The following CNGA4 variants were observed in gnomAD, a reference collection of about 807,000 sequenced individuals.
CNGA4 encodes cyclic nucleotide gated channel subunit alpha 4, also known as cyclic nucleotide-gated channel alpha-4.
CNGA4 carries 32 observed loss-of-function variants against 45.6 expected under a neutral mutation model. The ratio of observed to expected loss-of-function variants is 0.70; its 90% CI spans 0.53 to 0.94. CNGA4 has a LOEUF of 0.94. Among genes scored for constraint, CNGA4 ranks in the 40% least tolerant of loss-of-function variants. CNGA4 has a pLI of 0.00. For synonymous variants in CNGA4, 293 were observed against 304.6 expected (o/e 0.96, Z 0.40); for missense variants, 726 against 755.1 (o/e 0.96, Z 0.45).
chr11:6,242,125 C>G lies in CNGA4; in HGVS notation c.1267+345C>G, dbSNP rs1243106839. 1.2e-5 allele frequency: 5 copies of G among 427,888 alleles called. No individual in the cohort carries two copies. The East Asian group carries it at 1.7e-4, about 15-fold the overall frequency. The allele number at this position is 427,888 out of a possible 1,614,324, so 26.5% of individuals were successfully genotyped here. A position where few individuals can be genotyped will look rare whatever the true frequency, so the allele number is the denominator to read the frequency against. Reference sequence around the variant, plus strand: ...TTACCTGCTTACTGCATCCCCTTTTCTAAGTGCTTCACATGATATTAACTC... The same window carrying G: ...TTACCTGCTTACTGCATCCCCTTTTGTAAGTGCTTCACATGATATTAACTC... On this transcript the variant is annotated intron_variant, in intron 5 of 5. Transcript: ENST00000379936.
Position 6,242,177 on chromosome 11 carries a change from G to C in CNGA4, c.1267+397G>C, listed in dbSNP as rs775143375. On this transcript the variant is annotated intron_variant, in intron 5 of 5. Coordinates refer to ENST00000379936, the MANE Select transcript of CNGA4 (RefSeq NM_001037329.4). ...TTACATTCCCGCAGCAGTTCTATAAGATAAGTACTATTCTTATCCCAATTT... is the reference window on the plus strand; with the variant it reads ...TTACATTCCCGCAGCAGTTCTATAACATAAGTACTATTCTTATCCCAATTT... 4.5e-4 allele frequency among the ~76,000 whole-genome samples: 68 copies of C among 152,184 alleles called. 1 individual carries two copies. The highest frequency in any genetic ancestry group is 8.4e-4 in the Non-Finnish European group (57 of 68,000).
At chr11:6,237,384 C>T (rs904735306), upstream of CNGA4, among the ~76,000 whole-genome samples, 5 of 151,946 alleles carry the variant, frequency 3.3e-5, no homozygotes, top group Admixed American at 6.6e-5. Context: ...AAGGTGACCG[C>T]GGGATACCCA....
chr11:6,239,685 G>A lies in CNGA4; in HGVS notation c.166G>A (p.Ala56Thr), dbSNP rs1357556598. The change falls in exon 3 of 6, where the codon GCC (alanine) becomes ACC (threonine). Residue 56 changes from alanine (A) to threonine (T), a missense_variant and splice_region_variant. Transcript: ENST00000379936. ...MYNLIILVCR[A>T]CFPDLQHGYL... ...ATCATGCTTAACCCTGCCCTGCAGA[G>A]CCTGCTTCCCCGACTTGCAGCACGG... is the stretch of plus-strand genomic sequence containing the variant. 1 of 1,613,990 alleles carries A rather than the reference G, an allele frequency of 6.2e-7. No individual in the cohort carries two copies. Among genetic ancestry groups the A allele is most frequent in the African/African-American group, 1.3e-5 (1 of 75,042 alleles).
rs772848420 is a variant in CNGA4, at chr11:6,239,368, ACTTT to A, written c.63-8_63-5del. 8 of 1,613,610 alleles carry A rather than the reference ACTTT, an allele frequency of 5.0e-6. No individual in the cohort carries two copies. The highest frequency in any genetic ancestry group is 2.2e-5 in the South Asian group (2 of 91,074). On this transcript the variant is annotated splice_polypyrimidine_tract_variant and intron_variant, in intron 1 of 5. Transcript: ENST00000379936. ...ATGCCTGGTGAATAAATGAAGCAAG[ACTTT>A]CTTTCTTACAGGAAGTTGCTGCCTG...
upstream of CNGA4, among the ~76,000 whole-genome samples, chr11:6,235,096 G>A (rs1847810329): frequency 6.6e-6 from 1 of 152,206 alleles, no homozygotes; most frequent in African/African-American, 2.4e-5. Flanking sequence ...TGGATTCCAG[G>A]AGACGCTTGG....
At position 6,241,753 on chromosome 11, in the gene CNGA4, G is replaced by C. The variant is rs1847923434; in HGVS notation, c.1240G>C (p.Gly414Arg). 6.2e-7 allele frequency: 1 copy of C among 1,614,032 alleles called. No individual in the cohort carries two copies. The highest frequency in any genetic ancestry group is 1.7e-5 in the Admixed American group (1 of 59,994). Residue 414 changes from glycine to arginine, a missense_variant, in exon 5 of 6, where the codon GGG becomes CGG. By Grantham distance (125) the Gly-to-Arg change is moderately radical (BLOSUM62 -2). Coordinates refer to ENST00000379936, the MANE Select transcript of CNGA4 (RefSeq NM_001037329.4). ...YAVLGAGLYFGEISIINIKGN... is the reference protein window; with the variant it reads ...YAVLGAGLYFREISIINIKGN... ...TGTGCTCGGTGCAGGGCTCTACTTT[G>C]GGGAGATCAGCATCATCAACATCAA...
At chr11:6,243,830 G>C (rs1847950170) in intron 5 of CNGA4, 119 bp from the exon 6 acceptor site, 3 of 864,612 alleles carry the variant, frequency 3.5e-6, no homozygotes, top group Non-Finnish European at 5.3e-6. Context: ...AAGAATTAAT[G>C]AGGCAGAAGG....
At chr11:6,235,938 C>CA (rs112508509), upstream of CNGA4, among the ~76,000 whole-genome samples, 5,170 of 105,368 alleles carry the variant, frequency 0.049, 110 homozygotes, top group African/African-American at 0.091. Flanking sequence ...GACTCCGTCT[C>CA]AAAAAAAAAA....
At chr11:6,244,818 A>G (rs888342269), downstream of CNGA4, among the ~76,000 whole-genome samples, 1 of 152,216 alleles carries the variant, frequency 6.6e-6, no homozygotes, top group African/African-American at 2.4e-5. The surrounding 1 kb of genome is among the most constrained non-coding windows in gnomAD (Gnocchi z 4.5). Flanking sequence ...ACACTGATAG[A>G]CACAGATGCC....
chr11:6,239,692 T>C lies in CNGA4; in HGVS notation c.173T>C (p.Phe58Ser). The change falls in exon 3 of 6, where the codon TTC (phenylalanine) becomes TCC (serine). Residue 58 changes from phenylalanine to serine, a missense_variant. By Grantham distance (155) the Phe-to-Ser change is radical (BLOSUM62 -2). Coordinates refer to ENST00000379936, the MANE Select transcript of CNGA4 (RefSeq NM_001037329.4). ...TTAACCCTGCCCTGCAGAGCCTGCT[T>C]CCCCGACTTGCAGCACGGTTATCTG... ...NLIILVCRACFPDLQHGYLVA... is the reference protein window; with the variant it reads ...NLIILVCRACSPDLQHGYLVA... 1 of 1,614,036 alleles carries C rather than the reference T, an allele frequency of 6.2e-7. No homozygotes were observed. The highest frequency in any genetic ancestry group is 8.5e-7 in the Non-Finnish European group (1 of 1,179,970).
rs768904588 is a variant in CNGA4 at position 6,240,261 on chromosome 11, G to A, written c.467G>A (p.Arg156His). Residue 156 changes from arginine to histidine, a missense_variant, in exon 4 of 6, where the codon CGC becomes CAC. Transcript: ENST00000379936. The surrounding 1 kb of genome is among the most constrained non-coding windows in gnomAD (Gnocchi z 4.9). Reference protein sequence around the residue: ...RAPRLFEAFDRTETRTAYPNA... With the variant: ...RAPRLFEAFDHTETRTAYPNA... ...CCCCGCCTCTTCGAGGCCTTCGACC[G>A]CACAGAGACCCGCACAGCTTACCCA... 16 of 1,614,212 alleles carry A rather than the reference G, an allele frequency of 9.9e-6. No individual in the cohort carries two copies. Among genetic ancestry groups the A allele is most frequent in the Admixed American group, 3.3e-5 (2 of 60,034 alleles).
At position 6,241,711 on chromosome 11, in the gene CNGA4, G is replaced by T; in HGVS notation, c.1198G>T (p.Gly400Cys). Residue 400 changes from glycine (G) to cysteine (C), a missense_variant, in exon 5 of 6, where the codon GGT (glycine) becomes TGT (cysteine). Coordinates refer to ENST00000379936, the MANE Select transcript of CNGA4 (RefSeq NM_001037329.4). ...EGQLAVVADD[G>C]ITQYAVLGAG... Reference sequence around the variant, plus strand: ...TCAACTGGCCGTGGTGGCAGATGATGGTATCACACAGTATGCTGTGCTCGG... The same window carrying T: ...TCAACTGGCCGTGGTGGCAGATGATTGTATCACACAGTATGCTGTGCTCGG... 6.2e-7 allele frequency: 1 copy of T among 1,614,188 alleles called. No homozygotes were observed.
Position 6,241,751 on chromosome 11 carries a change from T to C in CNGA4, c.1238T>C (p.Phe413Ser), listed in dbSNP as rs757373690. ...QYAVLGAGLY[F>S]GEISIINIKG... ...GCTGTGCTCGGTGCAGGGCTCTACT[T>C]TGGGGAGATCAGCATCATCAACATC... is the stretch of plus-strand genomic sequence containing the variant. The change falls in exon 5 of 6, where the codon TTT becomes TCT. Residue 413 changes from phenylalanine (F) to serine (S), a missense_variant. Physicochemically the swap from Phe to Ser is radical, Grantham distance 155 (BLOSUM62 -2). Transcript: ENST00000379936. 3.1e-6 allele frequency: 5 copies of C among 1,613,960 alleles called. No individual in the cohort carries two copies. Among genetic ancestry groups the C allele is most frequent in the East Asian group, 2.2e-5 (1 of 44,888 alleles).
downstream of CNGA4, chr11:6,244,538 A>G (rs771937867): frequency 2.5e-5 from 20 of 789,212 alleles, no homozygotes; most frequent in Admixed American, 8.0e-5. This position sits in a 1 kb window ranked among gnomAD's most constrained non-coding sequence, Gnocchi z 4.5. Context: ...GTAGATGCCC[A>G]GCTAGAGATA....
At chr11:6,238,614 G>A (rs1269044213), upstream of CNGA4, among the ~76,000 whole-genome samples, 4 of 152,188 alleles carry the variant, frequency 2.6e-5, no homozygotes, top group Admixed American at 2.6e-4. Flanking sequence ...ATGGTGTGAT[G>A]GGGGAAGGCG....
At position 6,241,561 on chromosome 11, in the gene CNGA4, C is replaced by G. The variant is rs1478265048; in HGVS notation, c.1048C>G (p.Gln350Glu). Residue 350 changes from glutamine (Q) to glutamate (E), a missense_variant, in exon 5 of 6, where the codon CAG becomes GAG. Physicochemically the swap from Gln to Glu is conservative, Grantham distance 29 (BLOSUM62 2). Transcript: ENST00000379936. ...LSTLSRVQIF[Q>E]NCEASLLEEL... The stretch of plus-strand genomic sequence containing the variant: ...CACTCTGAGCCGGGTGCAGATCTTT[C>G]AGAACTGTGAGGCCAGCCTGCTGGA... 1 of 1,614,216 alleles carries G rather than the reference C, an allele frequency of 6.2e-7. No individual in the cohort carries two copies.
At chr11:6,239,510 G>C in intron 2 of CNGA4, 25 bp downstream of exon 2, 1 of 1,611,124 alleles carries the variant, frequency 6.2e-7, no homozygotes, top group South Asian at 1.1e-5. Flanking sequence ...CTAAGGGAGG[G>C]GCTGGAAGCC....
chr11:6,244,725 A>T (rs1847969723), downstream of CNGA4, among the ~76,000 whole-genome samples: 1 of 152,002 alleles, frequency 6.6e-6, no homozygotes, highest in Non-Finnish European at 1.5e-5. This position sits in a 1 kb window ranked among gnomAD's most constrained non-coding sequence, Gnocchi z 4.5. Context: ...ATGCTTTCTC[A>T]CAAGCACCGA....
chr11:6,241,743 G>A lies in CNGA4; in HGVS notation c.1230G>A (p.Gly410=). The A allele has an allele frequency of 1.2e-6, 2 of 1,614,192 alleles. No homozygotes were observed. The highest frequency in any genetic ancestry group is 1.7e-6 in the Non-Finnish European group (2 of 1,180,028). ...GITQYAVLGA[G]LYFGEISIIN... Reference sequence around the variant, plus strand: ...CACAGTATGCTGTGCTCGGTGCAGGGCTCTACTTTGGGGAGATCAGCATCA... The same window carrying A: ...CACAGTATGCTGTGCTCGGTGCAGGACTCTACTTTGGGGAGATCAGCATCA... The change falls in exon 5 of 6, where the codon GGG becomes GGA. Residue 410 remains glycine (G), a synonymous_variant. Transcript: ENST00000379936.
Sources: allele counts gnomAD v4.1 joint callset (sites outside exome capture counted in the v4.1 genomes callset), GRCh38; gene constraint gnomAD v4.1.1; non-coding constraint Gnocchi (gnomAD v3.1); transcripts MANE v1.5; gene names NCBI Gene and HGNC (gene_info 2026-07-23, HGNC 2026-07-21).